The following RNF17 variants were observed in gnomAD, a reference collection of about 807,000 sequenced individuals.
RNF17 encodes ring finger protein 17, also known as spermatogenesis associated 23.
Under a neutral mutation model 200.5 loss-of-function variants are expected in RNF17, and 31 were observed. That is an observed-to-expected ratio of 0.15 (90% CI 0.12 to 0.21). RNF17 has a LOEUF of 0.21. RNF17 is among the 10% of genes least tolerant of loss of function. RNF17 has a pLI of 1.00. For synonymous variants in RNF17, 606 were observed against 637.8 expected (o/e 0.95, Z 0.75); for missense variants, 1,628 against 1,905.1 (o/e 0.85, Z 2.71).
chr13:24,802,488 T>C lies in RNF17; in HGVS notation c.1866T>C (p.Asp622=), dbSNP rs761300142. ...AAGAAGATGGTGTGCTTATTGTAGATCTGCAAAAACCACCACCGAATAAAA... is the reference window on the plus strand; with the variant it reads ...AAGAAGATGGTGTGCTTATTGTAGACCTGCAAAAACCACCACCGAATAAAA... The part of the protein sequence containing the change: ...FREEDGVLIV[D]LQKPPPNKIS... Residue 622 remains aspartate, a synonymous_variant, in exon 14 of 36, where the codon GAT becomes GAC. Transcript: ENST00000255324. 8 of 1,614,080 alleles carry C rather than the reference T, an allele frequency of 5.0e-6. No homozygotes were observed. Among genetic ancestry groups the C allele is most frequent in the Non-Finnish European group, 5.9e-6 (7 of 1,179,954 alleles).
chr13:24,846,175 G>A (rs1279632281), intron 22 of RNF17, among the ~76,000 whole-genome samples: 1 of 152,166 alleles, frequency 6.6e-6, no homozygotes, highest in Non-Finnish European at 1.5e-5. Flanking sequence ...TCCATGTCTA[G>A]GCTGCCCCAT....
chr13:24,831,427 G>A (rs953789283), intron 17 of RNF17, among the ~76,000 whole-genome samples: 1 of 152,120 alleles, frequency 6.6e-6, no homozygotes, highest in Non-Finnish European at 1.5e-5. Context: ...GGGTGACAGG[G>A]CAAGACTCGG....
At chr13:24,772,609 CT>C (rs986274279) in intron 2 of RNF17, among the ~76,000 whole-genome samples, 153 of 143,504 alleles carry the variant, frequency 1.1e-3, no homozygotes, top group East Asian at 2.4e-3. Context: ...ACAGACACTT[CT>C]TTTTTTTTTT....
intron 5 of RNF17, among the ~76,000 whole-genome samples, chr13:24,781,111 T>C (rs1882303451): frequency 6.6e-6 from 1 of 152,018 alleles, no homozygotes; most frequent in Non-Finnish European, 1.5e-5. Context: ...GAAGGGGTCA[T>C]GGATCTAAGC....
At chr13:24,800,149 C>A (rs1187606409) in intron 12 of RNF17, among the ~76,000 whole-genome samples, 1 of 145,096 alleles carries the variant, frequency 6.9e-6, no homozygotes, top group East Asian at 2.0e-4. Context: ...TGTGAAAGTG[C>A]AAATGTAGCT....
intron 24 of RNF17, among the ~76,000 whole-genome samples, chr13:24,853,103 A>G (rs568649446): frequency 5.2e-4 from 79 of 152,242 alleles, no homozygotes; most frequent in African/African-American, 1.8e-3. Context: ...TAGTAGAGAC[A>G]GGGTTTCATC....
chr13:24,870,569 A>G lies in RNF17; in HGVS notation c.4279-2A>G. ...AGTTTTCCTTTCATTCTCCCCACTT[A>G]GGTGTATATTTGCCTTGATTCTATA... On this transcript the variant is annotated splice_acceptor_variant, in intron 31 of 35. Transcript: ENST00000255324. LOFTEE classifies it high-confidence loss of function. The G allele has an allele frequency of 6.2e-7, 1 of 1,609,336 alleles. No homozygotes were observed. Among genetic ancestry groups the G allele is most frequent in the Non-Finnish European group, 8.5e-7 (1 of 1,177,634 alleles).
intron 6 of RNF17, among the ~76,000 whole-genome samples, chr13:24,782,611 G>A (rs891906573): frequency 1.3e-5 from 2 of 150,978 alleles, no homozygotes. Context: ...GAGATGGGGG[G>A]GGGATCTTTG....
intron 22 of RNF17, among the ~76,000 whole-genome samples, chr13:24,848,834 T>C (rs1243903650): frequency 6.6e-6 from 1 of 152,246 alleles, no homozygotes; most frequent in Non-Finnish European, 1.5e-5. Context: ...CATTGACTTA[T>C]ATTTATATAC....
intron 15 of RNF17, among the ~76,000 whole-genome samples, chr13:24,817,692 C>A (rs968525847): frequency 9.3e-5 from 14 of 150,188 alleles, no homozygotes; most frequent in African/African-American, 3.4e-4. Flanking sequence ...GCATTCCAGC[C>A]TGGGTGACAG....
chr13:24,883,270 T>C (rs1209876746), downstream of RNF17: 1 of 1,613,730 alleles, frequency 6.2e-7, no homozygotes, highest in Admixed American at 1.7e-5. Context: ...CGTTTGCATA[T>C]ACGGTTTTAA....
chr13:24,876,881 C>T (rs1894917714), intron 33 of RNF17, 116 bp from the exon 34 acceptor site: 1 of 770,374 alleles, frequency 1.3e-6, no homozygotes, highest in Non-Finnish European at 2.0e-6. Context: ...GGTGTCGTAT[C>T]CAAAAAAATC....
the RNF17 span, among the ~76,000 whole-genome samples, chr13:24,755,197 T>C: frequency 2.0e-5 from 3 of 152,312 alleles, no homozygotes; most frequent in African/African-American, 7.2e-5. Context: ...ACTGTTATGA[T>C]ATAGTTTTCA....
intron 13 of RNF17, among the ~76,000 whole-genome samples, chr13:24,801,036 C>T (rs992477096): frequency 3.3e-5 from 5 of 152,144 alleles, no homozygotes; most frequent in African/African-American, 7.2e-5. Context: ...CTTTGCTCAT[C>T]GTTGTATTCC....
Position 24,774,894 on chromosome 13 carries a change from C to A in RNF17, c.307C>A (p.Gln103Lys). 6.3e-7 allele frequency: 1 copy of A among 1,592,310 alleles called. No homozygotes were observed. The highest frequency in any genetic ancestry group is 1.1e-5 in the South Asian group (1 of 90,380). ...GGAAGACTCCATAATGGAAAAACTG[C>A]AGCCTAAGACGTATGTTCCATGTGT... ...IKEDSIMEKL[Q>K]PKTIKNCSQD... Residue 103 changes from glutamine to lysine, a missense_variant, in exon 3 of 36, where the codon CAG becomes AAG. Coordinates refer to ENST00000255324, the MANE Select transcript of RNF17 (RefSeq NM_031277.3).
chr13:24,859,628 A>G (rs1368510877), intron 26 of RNF17, among the ~76,000 whole-genome samples: 2 of 151,944 alleles, frequency 1.3e-5, no homozygotes, highest in East Asian at 1.9e-4. Flanking sequence ...TATAAAATAT[A>G]GATGAAAATA....
intron 11 of RNF17, among the ~76,000 whole-genome samples, chr13:24,797,705 A>AGTTTGTGTGTCTCTGTGTGTGT (rs59493601): frequency 8.4e-5 from 10 of 119,048 alleles, no homozygotes; most frequent in East Asian, 2.6e-4. Flanking sequence ...AGAGACAAAG[A>AGTTTGTGTGTCTCTGTGTGTGT]GTGTGTGTGT....
chr13:24,770,221 A>G (rs1880468186), intron 2 of RNF17, among the ~76,000 whole-genome samples: 1 of 152,210 alleles, frequency 6.6e-6, no homozygotes, highest in Admixed American at 6.5e-5. Context: ...CATATCAAAT[A>G]GAAATCAGAA....
At chr13:24,754,610 G>T in the RNF17 span, among the ~76,000 whole-genome samples, 1 of 152,140 alleles carries the variant, frequency 6.6e-6, no homozygotes, top group Admixed American at 6.5e-5. Flanking sequence ...AAAGATTGCT[G>T]CCAGGCATGG....
Sources: gnomAD v4.1 joint callset for allele counts (sites outside exome capture counted in the v4.1 genomes callset) on GRCh38, gnomAD v4.1.1 for gene constraint, MANE v1.5 for transcripts, NCBI Gene and HGNC (gene_info 2026-07-23, HGNC 2026-07-21) for gene names.